Variants in PTPRM observed in about 807,000 individuals in gnomAD.
PTPRM encodes receptor-type tyrosine-protein phosphatase mu.
PTPRM carries 47 observed loss-of-function variants against 186.7 expected under a neutral mutation model. The observed-to-expected ratio is 0.25, with a 90% CI of 0.20 to 0.32. PTPRM has a LOEUF of 0.32. Ranked by LOEUF, PTPRM falls within the 10% of genes least tolerant of loss-of-function variation. The probability of loss-of-function intolerance (pLI) is 1.00; values close to 1 mark genes in which losing one functional copy is unlikely to be tolerated. For missense variants in PTPRM, 1,494 were observed against 1,865.0 expected (o/e 0.80, Z 3.66); for synonymous variants, 668 against 674.9 (o/e 0.99, Z 0.16).
chr18:8,219,765 A>G (rs1430043753), intron 14 of PTPRM, among the ~76,000 whole-genome samples: 1 of 152,212 alleles, frequency 6.6e-6, no homozygotes, highest in Non-Finnish European at 1.5e-5. Context: ...AGCAGAAAGG[A>G]ATGTTTTAAG....
intron 3 of PTPRM, among the ~76,000 whole-genome samples, chr18:7,901,895 A>G (rs1220023663): frequency 6.6e-6 from 1 of 152,246 alleles, no homozygotes; most frequent in African/African-American, 2.4e-5. Context: ...AACTTGATGA[A>G]GCAGCTAATA....
At chr18:7,923,440 T>C (rs1477707953) in intron 4 of PTPRM, among the ~76,000 whole-genome samples, 7 of 152,192 alleles carry the variant, frequency 4.6e-5, no homozygotes, top group Non-Finnish European at 1.0e-4. Context: ...GAGATATTAT[T>C]GGAAGGAAAA....
chr18:8,344,273 A>G (rs1382896067), intron 23 of PTPRM, among the ~76,000 whole-genome samples: 1 of 152,002 alleles, frequency 6.6e-6, no homozygotes, highest in African/African-American at 2.4e-5. Context: ...AAACAGTGAG[A>G]CAGGAGCCAT....
intron 11 of PTPRM, among the ~76,000 whole-genome samples, chr18:8,089,588 C>A (rs906499566): frequency 2.0e-5 from 3 of 152,074 alleles, no homozygotes; most frequent in African/African-American, 7.2e-5. Flanking sequence ...AAATGTTTTA[C>A]CTTTGTATTT....
Position 8,338,635 on chromosome 18 carries a change from G to A in PTPRM, c.2957-4788G>A, listed in dbSNP as rs563866461. The stretch of plus-strand genomic sequence containing the variant: ...GTGCCTCAGTCTCCATCAGTAAAAT[G>A]GGGGTGAGCAATAGGACCTATTTCA... On this transcript the variant is annotated intron_variant, in intron 22 of 32. Transcript: ENST00000580170. Among the ~76,000 whole-genome samples the A allele has an allele frequency of 2.0e-5, 3 of 152,306 alleles. No individual in the cohort carries two copies. In the East Asian group the frequency reaches 5.8e-4, roughly 29 times the overall value.
chr18:8,303,160 A>G (rs2147938289), intron 20 of PTPRM, among the ~76,000 whole-genome samples: 1 of 152,236 alleles, frequency 6.6e-6, no homozygotes, highest in Non-Finnish European at 1.5e-5. Flanking sequence ...AGAACTGCTC[A>G]GCGGTGCAGG....
intron 14 of PTPRM, among the ~76,000 whole-genome samples, chr18:8,183,775 C>T (rs2093608220): frequency 1.3e-5 from 2 of 152,134 alleles, no homozygotes; most frequent in South Asian, 4.1e-4. Context: ...TAAAAATAAA[C>T]AGGTAGACAA....
chr18:8,233,077 A>T (rs1459713181), intron 14 of PTPRM, among the ~76,000 whole-genome samples: 1 of 152,224 alleles, frequency 6.6e-6, no homozygotes, highest in Non-Finnish European at 1.5e-5. Context: ...CGACAGGAGC[A>T]GTTTGAGTTT....
intron 14 of PTPRM, among the ~76,000 whole-genome samples, chr18:8,149,534 C>T (rs1296848881): frequency 6.6e-6 from 1 of 152,040 alleles, no homozygotes; most frequent in Admixed American, 6.6e-5. Context: ...TATTTTGAGC[C>T]GTGTGCATCT....
intron 1 of PTPRM, among the ~76,000 whole-genome samples, chr18:7,611,496 TAC>T (rs2037673380): frequency 6.6e-6 from 1 of 152,202 alleles, no homozygotes; most frequent in Non-Finnish European, 1.5e-5. Context: ...GCCATTGTCT[TAC>T]AGTTACCTAC....
chr18:8,074,010 T>C (rs1454561266), intron 8 of PTPRM, among the ~76,000 whole-genome samples: 1 of 152,226 alleles, frequency 6.6e-6, no homozygotes, highest in Admixed American at 6.5e-5. Context: ...AATCATTTAT[T>C]AGTCTTAAGT....
intron 2 of PTPRM, among the ~76,000 whole-genome samples, chr18:7,838,359 T>C (rs2046157895): frequency 6.6e-6 from 1 of 152,120 alleles, no homozygotes; most frequent in Admixed American, 6.5e-5. Flanking sequence ...CATGTGGGGA[T>C]TATGGGAACT....
At chr18:8,328,640 T>A (rs1189892558) in intron 22 of PTPRM, among the ~76,000 whole-genome samples, 1 of 152,180 alleles carries the variant, frequency 6.6e-6, no homozygotes, top group Non-Finnish European at 1.5e-5. Flanking sequence ...AGGGATGCTT[T>A]GAGAAAATGT....
intron 11 of PTPRM, among the ~76,000 whole-genome samples, chr18:8,098,566 A>G (rs2091125533): frequency 6.6e-6 from 1 of 152,312 alleles, no homozygotes; most frequent in East Asian, 1.9e-4. Flanking sequence ...CATAGAATGC[A>G]GAGCTATAAA....
chr18:8,206,471 A>G (rs1354694195), intron 14 of PTPRM, among the ~76,000 whole-genome samples: 1 of 151,936 alleles, frequency 6.6e-6, no homozygotes, highest in Non-Finnish European at 1.5e-5. Flanking sequence ...AATGGTCTCG[A>G]TCTCCTGACC....
chr18:7,985,362 C>A (rs528951649), intron 7 of PTPRM, among the ~76,000 whole-genome samples: 1 of 116,120 alleles, frequency 8.6e-6, no homozygotes, highest in East Asian at 2.3e-4. Context: ...TATACATATA[C>A]TGGTATATAC....
chr18:8,032,686 A>T (rs1201266408), intron 7 of PTPRM, among the ~76,000 whole-genome samples: 1 of 152,140 alleles, frequency 6.6e-6, no homozygotes, highest in Non-Finnish European at 1.5e-5. Context: ...TCAGGAGAGG[A>T]TGATTTGCCC....
intron 23 of PTPRM, among the ~76,000 whole-genome samples, chr18:8,366,501 G>A (rs894770149): frequency 3.3e-5 from 5 of 152,170 alleles, no homozygotes; most frequent in East Asian, 1.9e-4. Flanking sequence ...TGGCAGCCTC[G>A]GGAGCCACAG....
At chr18:7,973,576 C>G (rs905897478) in intron 7 of PTPRM, among the ~76,000 whole-genome samples, 1 of 152,026 alleles carries the variant, frequency 6.6e-6, no homozygotes, top group Non-Finnish European at 1.5e-5. Flanking sequence ...TGTAGGGATA[C>G]TTTCTATAGT....
Sources: gnomAD v4.1 joint callset for allele counts (sites outside exome capture counted in the v4.1 genomes callset) on GRCh38, gnomAD v4.1.1 for gene constraint, MANE v1.5 for transcripts, NCBI Gene and HGNC (gene_info 2026-07-23, HGNC 2026-07-21) for gene names.